The following HMGA2 variants were observed in gnomAD, a reference collection of about 807,000 sequenced individuals.
HMGA2 encodes high mobility group protein HMGI-C.
Under a neutral mutation model 19.1 loss-of-function variants are expected in HMGA2, and 8 were observed. The ratio of observed to expected loss-of-function variants is 0.42; its 90% CI spans 0.25 to 0.76. HMGA2 has a LOEUF of 0.76. Among genes scored for constraint, HMGA2 ranks in the 30% least tolerant of loss-of-function variants. HMGA2 has a pLI of 0.28. For missense variants in HMGA2, 109 were observed against 136.3 expected, an observed-to-expected ratio of 0.80 and a Z score of 1.00; for synonymous variants, 60 against 48.8, an observed-to-expected ratio of 1.23 and a Z score of -0.96.
At chr12:65,914,865 G>C (rs1875014750) in intron 3 of HMGA2, 1 of 577,566 alleles carries the variant, frequency 1.7e-6, no homozygotes, top group Non-Finnish European at 3.2e-6. Flanking sequence ...AGTAGAGACA[G>C]GGTTTCACCA....
At chr12:65,914,020 C>A (rs544772667) in intron 3 of HMGA2, among the ~76,000 whole-genome samples, 2 of 152,240 alleles carry the variant, frequency 1.3e-5, no homozygotes, top group African/African-American at 4.8e-5. Flanking sequence ...TGTGGAGAAA[C>A]AGGAACACTT....
At chr12:65,952,721 G>A (rs888671824) in intron 4 of HMGA2, 14 of 247,688 alleles carry the variant, frequency 5.7e-5, no homozygotes, top group Non-Finnish European at 1.0e-4. Context: ...CAAAAATCAA[G>A]AGAAAGTAAA....
At chr12:65,923,625 T>A in intron 3 of HMGA2, among the ~76,000 whole-genome samples, 1 of 151,876 alleles carries the variant, frequency 6.6e-6, no homozygotes, top group East Asian at 1.9e-4. Context: ...CCTAGAAGAG[T>A]ATGGTAGGAC....
intron 3 of HMGA2, among the ~76,000 whole-genome samples, chr12:65,911,807 A>G (rs1268067361): frequency 2.6e-5 from 4 of 152,172 alleles, no homozygotes; most frequent in African/African-American, 4.8e-5. Flanking sequence ...AGAAATAAGA[A>G]CTTACCATGG....
At chr12:65,918,846 G>A (rs1040877742) in intron 3 of HMGA2, among the ~76,000 whole-genome samples, 1 of 152,198 alleles carries the variant, frequency 6.6e-6, no homozygotes, top group African/African-American at 2.4e-5. Context: ...CGTAAGAATT[G>A]TTTGCATCCA....
chr12:65,897,667 G>A (rs914183687), intron 3 of HMGA2, among the ~76,000 whole-genome samples: 1 of 152,136 alleles, frequency 6.6e-6, no homozygotes, highest in Non-Finnish European at 1.5e-5. Flanking sequence ...TTGTCCTAAA[G>A]CAAGAAGAAA....
intron 3 of HMGA2, chr12:65,859,818 T>A (rs1871954075): frequency 4.9e-6 from 1 of 206,000 alleles, no homozygotes; most frequent in Admixed American, 4.9e-5. Flanking sequence ...GTGCAGTGGC[T>A]TACTCTTGTA....
intron 3 of HMGA2, chr12:65,859,218 T>C (rs1222810680): frequency 6.6e-6 from 1 of 152,282 alleles, no homozygotes; most frequent in East Asian, 1.9e-4. Flanking sequence ...AGCCTCCAAG[T>C]AGTGTAACTA....
chr12:65,899,315 T>C (rs1874278038), intron 3 of HMGA2, among the ~76,000 whole-genome samples: 1 of 152,208 alleles, frequency 6.6e-6, no homozygotes, highest in Non-Finnish European at 1.5e-5. Flanking sequence ...CTTTCCAATG[T>C]TTATTTATTC....
Position 65,824,550 on chromosome 12 carries a change from C to G in HMGA2, c.-721C>G, listed in dbSNP as rs1230629267. ...CAGGAGCTAGCAGCCCGTCCCCCTCCGACTCTCCGGTGCCGCCGCTGCCTG... is the reference window on the plus strand; with the variant it reads ...CAGGAGCTAGCAGCCCGTCCCCCTCGGACTCTCCGGTGCCGCCGCTGCCTG... On this transcript the variant is annotated 5_prime_UTR_variant, in exon 1 of 5. Transcript: ENST00000403681. 4 of 233,502 alleles carry G rather than the reference C, an allele frequency of 1.7e-5. No individual in the cohort carries two copies. Among genetic ancestry groups the G allele is most frequent in the East Asian group, 6.1e-5 (1 of 16,520 alleles). The allele number at this position is 233,502 out of a possible 1,614,324, so 14.5% of individuals were successfully genotyped here.
intron 2 of HMGA2, chr12:65,831,126 T>C (rs953680780): frequency 6.6e-6 from 1 of 151,914 alleles, no homozygotes; most frequent in African/African-American, 2.4e-5. Context: ...TATTTTTTAG[T>C]CTGAGGTACA....
intron 4 of HMGA2, chr12:65,952,268 G>A (rs746524601): frequency 8.6e-6 from 8 of 927,322 alleles, no homozygotes; most frequent in Non-Finnish European, 1.2e-5. Context: ...ATCAAATTAA[G>A]TAGAACTCTT....
intron 3 of HMGA2, among the ~76,000 whole-genome samples, chr12:65,931,173 G>A (rs980106126): frequency 2.0e-5 from 3 of 152,096 alleles, no homozygotes; most frequent in African/African-American, 7.2e-5. Flanking sequence ...CAAAGAAAAG[G>A]TTGTTTTATG....
At chr12:65,933,278 C>T (rs2121273257) in intron 3 of HMGA2, among the ~76,000 whole-genome samples, 1 of 152,252 alleles carries the variant, frequency 6.6e-6, no homozygotes, top group South Asian at 2.1e-4. Flanking sequence ...ATGGTCTCTT[C>T]ATATACATGC....
In HMGA2 at chr12:65,843,489, G is replaced by T. The variant is rs547435779; in HGVS notation, c.249+4920G>T. ...AAGTGATGATTTGAGGATCGAGAAGGGAGAACTGAATCAAAATAAAATCTA... is the reference window on the plus strand; with the variant it reads ...AAGTGATGATTTGAGGATCGAGAAGTGAGAACTGAATCAAAATAAAATCTA... On this transcript the variant is annotated intron_variant, in intron 3 of 4. Transcript: ENST00000403681. 57 of 191,708 alleles carry T rather than the reference G, an allele frequency of 3.0e-4. 1 individual carries two copies. The South Asian group carries it at 6.8e-3, about 23-fold the overall frequency. 11.9% of individuals were successfully genotyped at this position (191,708 alleles called of 1,614,324 possible).
intron 3 of HMGA2, among the ~76,000 whole-genome samples, chr12:65,852,466 GT>G (rs2120932309): frequency 6.6e-6 from 1 of 152,220 alleles, no homozygotes; most frequent in Admixed American, 6.5e-5. Flanking sequence ...TTGCACCACT[GT>G]ACTCTGGCCT....
At chr12:65,962,590 G>A (rs1414667285) in intron 4 of HMGA2, among the ~76,000 whole-genome samples, 1 of 152,124 alleles carries the variant, frequency 6.6e-6, no homozygotes, top group Non-Finnish European at 1.5e-5. Context: ...TGTCAGCTCT[G>A]CCCCTGCTCT....
At chr12:65,851,651 C>G in intron 3 of HMGA2, 1 of 444,708 alleles carries the variant, frequency 2.2e-6, no homozygotes, top group Non-Finnish European at 4.5e-6. Context: ...CAAAGCGAGA[C>G]TCTGTCTCAA....
intron 3 of HMGA2, among the ~76,000 whole-genome samples, chr12:65,943,362 G>A (rs1477985196): frequency 6.6e-6 from 1 of 152,102 alleles, no homozygotes; most frequent in Non-Finnish European, 1.5e-5. Context: ...CCAGAGGGAA[G>A]GCAAAAACTC....
Sources: gnomAD v4.1 joint callset for allele counts (sites outside exome capture counted in the v4.1 genomes callset) on GRCh38, gnomAD v4.1.1 for gene constraint, MANE v1.5 for transcripts, NCBI Gene and HGNC (gene_info 2026-07-23, HGNC 2026-07-21) for gene names.